The following WWOX variants were observed in gnomAD, a reference collection of about 807,000 sequenced individuals.
WWOX encodes WW domain-containing oxidoreductase.
A neutral mutation model predicts 46.2 loss-of-function variants in WWOX; 69 were observed. That is an observed-to-expected ratio of 1.49 (90% CI 1.23 to 1.82). WWOX has a LOEUF of 1.82. Ranked by LOEUF, WWOX falls within the 40% of genes most tolerant of loss-of-function variation. WWOX has a pLI of 0.00. For missense variants in WWOX, 919 were observed against 542.6 expected (o/e 1.69, Z -6.89); for synonymous variants, 359 against 202.6 (o/e 1.77, Z -6.56).
intron 8 of WWOX, among the ~76,000 whole-genome samples, chr16:78,858,225 G>C: frequency 6.7e-6 from 1 of 149,646 alleles, no homozygotes; most frequent in Non-Finnish European, 1.5e-5. Context: ...TAGGGGTAAA[G>C]TGGTTTTTGA....
chr16:78,592,557 G>A (rs1382727428), intron 8 of WWOX, among the ~76,000 whole-genome samples: 4 of 152,200 alleles, frequency 2.6e-5, no homozygotes, highest in Non-Finnish European at 5.9e-5. Flanking sequence ...AGGAGGCAAA[G>A]AGAAGGAGGA....
chr16:78,564,005 T>A (rs1368808573), intron 8 of WWOX, among the ~76,000 whole-genome samples: 3 of 152,202 alleles, frequency 2.0e-5, no homozygotes, highest in Admixed American at 6.5e-5. Context: ...CGAACCCTTT[T>A]ACTTCTGGGT....
intron 8 of WWOX, among the ~76,000 whole-genome samples, chr16:78,842,959 C>G (rs542697246): frequency 6.7e-6 from 1 of 150,072 alleles, no homozygotes; most frequent in Non-Finnish European, 1.5e-5. Flanking sequence ...GAAAAATGCA[C>G]GCACCCACAG....
chr16:78,215,520 C>T (rs1408606304), intron 5 of WWOX, among the ~76,000 whole-genome samples: 3 of 152,184 alleles, frequency 2.0e-5, no homozygotes, highest in Non-Finnish European at 4.4e-5. Flanking sequence ...TTGCCTTCTG[C>T]CATGATTGTA....
chr16:78,533,974 G>C (rs886091846), intron 8 of WWOX, among the ~76,000 whole-genome samples: 1 of 152,138 alleles, frequency 6.6e-6, no homozygotes, highest in African/African-American at 2.4e-5. Flanking sequence ...TCTAGCGTAG[G>C]CAAATATTCT....
At chr16:78,612,479 G>C (rs1391999701) in intron 8 of WWOX, among the ~76,000 whole-genome samples, 2 of 152,122 alleles carry the variant, frequency 1.3e-5, no homozygotes, top group African/African-American at 4.8e-5. Context: ...GTAGGTTTTT[G>C]TTTTTGTTTT....
chr16:78,205,851 T>TCCTTCTTCCTTCCTTCCGTCCTC (rs2036374705), intron 5 of WWOX, among the ~76,000 whole-genome samples: 1 of 149,866 alleles, frequency 6.7e-6, no homozygotes, highest in East Asian at 1.9e-4. Context: ...CTTCCGTCCT[T>TCCTTCTTCCTTCCTTCCGTCCTC]CCTTCCTTCC....
chr16:78,923,948 C>G (rs377051284), intron 8 of WWOX, among the ~76,000 whole-genome samples: 1 of 151,636 alleles, frequency 6.6e-6, no homozygotes, highest in African/African-American at 2.4e-5. Context: ...TACAGGTGCC[C>G]GCCACCACGC....
intron 8 of WWOX, among the ~76,000 whole-genome samples, chr16:79,061,808 C>T (rs920189415): frequency 8.5e-5 from 13 of 152,170 alleles, no homozygotes; most frequent in African/African-American, 2.9e-4. Flanking sequence ...ATGTCAGGCT[C>T]TGTACTGGGT....
intron 8 of WWOX, among the ~76,000 whole-genome samples, chr16:78,639,408 G>C (rs991453417): frequency 2.0e-5 from 3 of 152,138 alleles, no homozygotes; most frequent in Non-Finnish European, 2.9e-5. Flanking sequence ...CTCTCACTTT[G>C]CAGATGAGGA....
intron 8 of WWOX, chr16:79,203,839 G>A (rs940145862): frequency 6.6e-6 from 1 of 152,030 alleles, no homozygotes; most frequent in Non-Finnish European, 1.5e-5. Flanking sequence ...GGCGAATACA[G>A]ATGCATACAT....
chr16:78,436,121 C>T (rs1397156143), intron 8 of WWOX, among the ~76,000 whole-genome samples: 3 of 152,184 alleles, frequency 2.0e-5, no homozygotes, highest in Admixed American at 2.0e-4. Context: ...GGGAGGTATG[C>T]AGTACTTCCT....
chr16:78,482,599 T>C (rs2084522124), intron 8 of WWOX, among the ~76,000 whole-genome samples: 1 of 152,146 alleles, frequency 6.6e-6, no homozygotes, highest in South Asian at 2.1e-4. Flanking sequence ...GTGCTTTGCA[T>C]GTGATTTCTA....
intron 8 of WWOX, among the ~76,000 whole-genome samples, chr16:78,570,315 A>G (rs544844617): frequency 6.6e-6 from 1 of 152,130 alleles, no homozygotes; most frequent in Non-Finnish European, 1.5e-5. Flanking sequence ...TTGGTAGTAG[A>G]TGAACTAATG....
chr16:78,994,542 A>G (rs1363462783), intron 8 of WWOX: 2 of 152,150 alleles, frequency 1.3e-5, no homozygotes, highest in African/African-American at 4.8e-5. Context: ...TATCAATGAG[A>G]TCAGATTTCA....
intron 4 of WWOX, among the ~76,000 whole-genome samples, chr16:78,147,691 TTTTTTAA>T (rs1210629905): frequency 1.8e-5 from 2 of 108,450 alleles, no homozygotes; most frequent in Non-Finnish European, 3.7e-5. Flanking sequence ...TTTTTTTTTT[TTTTTTAA>T]AAAAAAAAAA....
At chr16:78,435,313 C>T (rs1456175421) in intron 8 of WWOX, among the ~76,000 whole-genome samples, 1 of 152,154 alleles carries the variant, frequency 6.6e-6, no homozygotes, top group Non-Finnish European at 1.5e-5. Context: ...TTTGCCTACC[C>T]CACCAGTGTG....
intron 8 of WWOX, among the ~76,000 whole-genome samples, chr16:78,698,900 A>G (rs1202248581): frequency 6.6e-6 from 1 of 152,190 alleles, no homozygotes; most frequent in African/African-American, 2.4e-5. Context: ...ACTTTTATAA[A>G]TGTAGTATTT....
chr16:78,909,782 T>A (rs7191051), intron 8 of WWOX, among the ~76,000 whole-genome samples: 8,642 of 152,190 alleles, frequency 0.057, 520 homozygotes, highest in East Asian at 0.18. Context: ...TTAGTCCAAA[T>A]GTAGAGGGTC....
Sources: gnomAD v4.1 joint callset for allele counts (sites outside exome capture counted in the v4.1 genomes callset) on GRCh38, gnomAD v4.1.1 for gene constraint, MANE v1.5 for transcripts, NCBI Gene and HGNC (gene_info 2026-07-23, HGNC 2026-07-21) for gene names.